Variants in TMTC2 observed in about 807,000 individuals in gnomAD.
TMTC2 encodes protein O-mannosyl-transferase TMTC2.
A neutral mutation model predicts 82.4 loss-of-function variants in TMTC2; 43 were observed. That is an observed-to-expected ratio of 0.52 (90% CI 0.41 to 0.67). TMTC2 has a LOEUF of 0.67. TMTC2 is among the 30% of genes least tolerant of loss of function. The pLI is 0.00. For missense variants in TMTC2, 919 were observed against 1,012.4 expected, an observed-to-expected ratio of 0.91 and a Z score of 1.25; for synonymous variants, 408 against 381.9, an observed-to-expected ratio of 1.07 and a Z score of -0.80.
At chr12:82,796,365 C>T (rs1027705424) in intron 1 of TMTC2, among the ~76,000 whole-genome samples, 1 of 152,076 alleles carries the variant, frequency 6.6e-6, no homozygotes, top group Non-Finnish European at 1.5e-5. Context: ...GCTGAAGGCT[C>T]TCATGGTAAA....
chr12:82,857,651 A>G (rs989474952), intron 2 of TMTC2, 71 bp downstream of exon 2: 11 of 1,417,504 alleles, frequency 7.8e-6, no homozygotes, highest in African/African-American at 2.9e-5. Flanking sequence ...GCCACCATTT[A>G]AAAAGCAAAT....
intron 11 of TMTC2, among the ~76,000 whole-genome samples, chr12:83,127,508 C>T (rs1403414617): frequency 2.6e-5 from 4 of 152,044 alleles, no homozygotes; most frequent in East Asian, 1.9e-4. Flanking sequence ...CTCAACCAAA[C>T]GCTTTTCTCT....
intron 1 of TMTC2, among the ~76,000 whole-genome samples, chr12:82,739,993 G>A (rs1875315990): frequency 6.6e-6 from 1 of 151,966 alleles, no homozygotes. Flanking sequence ...CATACTCTGG[G>A]TAGTAGTCAG....
intron 1 of TMTC2, among the ~76,000 whole-genome samples, chr12:82,854,251 G>A (rs1416143765): frequency 6.6e-6 from 1 of 152,192 alleles, no homozygotes; most frequent in African/African-American, 2.4e-5. Context: ...CAAAATATCA[G>A]TTTAGAAAAG....
chr12:82,807,824 T>C (rs1048815321), intron 1 of TMTC2, among the ~76,000 whole-genome samples: 1 of 152,014 alleles, frequency 6.6e-6, no homozygotes, highest in African/African-American at 2.4e-5. Context: ...TGGGAAGTAA[T>C]AGTCTGAACA....
chr12:82,901,295 TATATA>T (rs1874002278), intron 3 of TMTC2, among the ~76,000 whole-genome samples: 1 of 125,010 alleles, frequency 8.0e-6, no homozygotes, highest in African/African-American at 3.5e-5. Context: ...TATATATATA[TATATA>T]TTTTTTTTTC....
chr12:82,980,315 C>T (rs191767423), intron 7 of TMTC2, among the ~76,000 whole-genome samples: 1 of 151,628 alleles, frequency 6.6e-6, no homozygotes. Flanking sequence ...AGAAAAATGA[C>T]CAGCACATAA....
chr12:83,038,922 C>A (rs1217203584), intron 9 of TMTC2, among the ~76,000 whole-genome samples: 1 of 144,710 alleles, frequency 6.9e-6, no homozygotes, highest in East Asian at 2.2e-4. Flanking sequence ...AGAACAAGCA[C>A]CTTGGTTTTT....
At chr12:82,756,073 T>C (rs1876307265) in intron 1 of TMTC2, among the ~76,000 whole-genome samples, 1 of 152,208 alleles carries the variant, frequency 6.6e-6, no homozygotes, top group Non-Finnish European at 1.5e-5. Context: ...TGTAGTTACC[T>C]GTTCTTTGAA....
chr12:82,844,990 G>C (rs906446676), intron 1 of TMTC2, among the ~76,000 whole-genome samples: 1 of 151,564 alleles, frequency 6.6e-6, no homozygotes, highest in Non-Finnish European at 1.5e-5. Flanking sequence ...CACTTTGGGA[G>C]GCCGAGGTGG....
chr12:82,794,394 A>G lies in TMTC2; in HGVS notation c.84-62616A>G, dbSNP rs113897167. Among the ~76,000 whole-genome samples, 451 of 152,194 alleles carry G rather than the reference A, an allele frequency of 3.0e-3. 1 individual carries two copies. The highest frequency in any genetic ancestry group is 0.01 in the Middle Eastern group (3 of 294). ...AGGGCCTGTGTTGGGGGGAAACACA[A>G]ATTGAGGTATATTGTTAGTGACATT... is the stretch of plus-strand genomic sequence containing the variant. On this transcript the variant is annotated intron_variant, in intron 1 of 11. Coordinates refer to ENST00000321196, the MANE Select transcript of TMTC2 (RefSeq NM_152588.3).
At chr12:82,701,578 C>A (rs1222664271) in intron 1 of TMTC2, among the ~76,000 whole-genome samples, 4 of 145,982 alleles carry the variant, frequency 2.7e-5, no homozygotes, top group Non-Finnish European at 3.0e-5. Context: ...ATGGAGAAAC[C>A]CCGTCTTTAC....
At chr12:82,878,754 T>C (rs1198246498) in intron 2 of TMTC2, among the ~76,000 whole-genome samples, 3 of 152,068 alleles carry the variant, frequency 2.0e-5, no homozygotes, top group Admixed American at 2.0e-4. Flanking sequence ...TATAAATGAA[T>C]GAGCCAGGTG....
intron 8 of TMTC2, among the ~76,000 whole-genome samples, chr12:83,012,614 AAC>A (rs1235942524): frequency 1.3e-5 from 2 of 152,190 alleles, no homozygotes; most frequent in African/African-American, 2.4e-5. Flanking sequence ...GGCATGAAAA[AAC>A]ACAAAATTTA....
At chr12:83,026,445 T>G (rs75979492) in intron 8 of TMTC2, among the ~76,000 whole-genome samples, 1 of 152,086 alleles carries the variant, frequency 6.6e-6, no homozygotes, top group Non-Finnish European at 1.5e-5. Context: ...CTCAAAATCA[T>G]AATGCAATGC....
intron 4 of TMTC2, among the ~76,000 whole-genome samples, chr12:82,962,450 T>C (rs76686387): frequency 0.019 from 2,885 of 151,938 alleles, 82 homozygotes; most frequent in East Asian, 0.15. Flanking sequence ...CCTTAGAAAA[T>C]AAGAATAGGT....
intron 11 of TMTC2, among the ~76,000 whole-genome samples, chr12:83,065,498 A>G (rs1882886850): frequency 6.6e-6 from 1 of 151,950 alleles, no homozygotes; most frequent in Non-Finnish European, 1.5e-5. Context: ...AAATGATACC[A>G]TTACCATTTT....
At chr12:82,791,917 T>C (rs1878487446) in intron 1 of TMTC2, among the ~76,000 whole-genome samples, 1 of 151,932 alleles carries the variant, frequency 6.6e-6, no homozygotes, top group Non-Finnish European at 1.5e-5. Context: ...ATTGCTCTCC[T>C]ACCCCAACTG....
At chr12:82,952,773 A>G (rs1303577469) in intron 4 of TMTC2, among the ~76,000 whole-genome samples, 3 of 152,036 alleles carry the variant, frequency 2.0e-5, no homozygotes, top group African/African-American at 7.2e-5. Context: ...AGGTTTCACC[A>G]TGTTGGCCAG....
Sources: allele counts gnomAD v4.1 joint callset (sites outside exome capture counted in the v4.1 genomes callset), GRCh38; gene constraint gnomAD v4.1.1; transcripts MANE v1.5; gene names NCBI Gene and HGNC (gene_info 2026-07-23, HGNC 2026-07-21).